Variants in CSMD1 observed in about 807,000 individuals in gnomAD.
The protein encoded by CSMD1 is CUB and Sushi multiple domains 1, also known as CUB and sushi domain-containing protein 1.
In CSMD1, 213 loss-of-function variants were observed where a neutral mutation model predicts 417.5. That is an observed-to-expected ratio of 0.51 (90% CI 0.46 to 0.57). The LOEUF (loss-of-function observed/expected upper bound fraction) is 0.57. CSMD1 is among the 20% of genes least tolerant of loss of function. CSMD1 has a pLI of 0.00. For synonymous variants in CSMD1, 2,862 were observed against 1,736.8 expected (o/e 1.65, Z -16.11); for missense variants, 6,923 against 4,529.7 (o/e 1.53, Z -15.17).
intron 5 of CSMD1, among the ~76,000 whole-genome samples, chr8:3,845,919 T>A (rs935578666): frequency 2.0e-5 from 3 of 152,056 alleles, no homozygotes; most frequent in African/African-American, 4.8e-5. Context: ...ATCATCAATA[T>A]CACTATCTTC....
intron 10 of CSMD1, among the ~76,000 whole-genome samples, chr8:3,494,554 T>TGATAGATAGGTAGGCAGATAGATA (rs1202224581): frequency 6.0e-4 from 88 of 145,736 alleles, no homozygotes; most frequent in Non-Finnish European, 7.8e-4. Flanking sequence ...ACAGATTAGA[T>TGATAGATAGGTAGGCAGATAGATA]GATAGATAGA....
intron 3 of CSMD1, among the ~76,000 whole-genome samples, chr8:4,098,161 A>G (rs1228377468): frequency 6.6e-6 from 1 of 152,184 alleles, no homozygotes; most frequent in Non-Finnish European, 1.5e-5. Flanking sequence ...AATTAGAATA[A>G]CATGTTTTGC....
At chr8:4,765,142 A>G (rs1245828167) in intron 1 of CSMD1, among the ~76,000 whole-genome samples, 1 of 152,146 alleles carries the variant, frequency 6.6e-6, no homozygotes, top group African/African-American at 2.4e-5. Context: ...ATGTTCACAC[A>G]GTTAATATAG....
At chr8:3,786,654 A>G (rs779455592) in intron 5 of CSMD1, among the ~76,000 whole-genome samples, 1 of 152,176 alleles carries the variant, frequency 6.6e-6, no homozygotes, top group Non-Finnish European at 1.5e-5. Context: ...TCGAGATGCT[A>G]TGATAAAATA....
chr8:4,815,553 A>T (rs1799153696), intron 1 of CSMD1, among the ~76,000 whole-genome samples: 1 of 151,858 alleles, frequency 6.6e-6, no homozygotes, highest in African/African-American at 2.4e-5. Flanking sequence ...AAAATTAGCC[A>T]GGCATGGTGA....
At chr8:3,263,001 G>C (rs953178271) in intron 26 of CSMD1, among the ~76,000 whole-genome samples, 1 of 152,138 alleles carries the variant, frequency 6.6e-6, no homozygotes, top group African/African-American at 2.4e-5. Flanking sequence ...CAGTTATTAA[G>C]CTAGGCAATA....
intron 1 of CSMD1, among the ~76,000 whole-genome samples, chr8:4,819,300 T>C (rs985202247): frequency 2.0e-5 from 3 of 152,338 alleles, no homozygotes; most frequent in Admixed American, 6.5e-5. Context: ...TCATATGATT[T>C]ACCAATTGTA....
chr8:4,033,206 C>A (rs946589505), intron 3 of CSMD1, among the ~76,000 whole-genome samples: 1 of 150,340 alleles, frequency 6.7e-6, no homozygotes, highest in Non-Finnish European at 1.5e-5. Flanking sequence ...TTTGGGAGGC[C>A]GAGGCAGGAG....
intron 30 of CSMD1, 45 bp from the exon 31 acceptor site, chr8:3,205,665 C>G: frequency 1.1e-6 from 1 of 943,624 alleles, no homozygotes; most frequent in Non-Finnish European, 1.6e-6. Flanking sequence ...GCAATAATAG[C>G]GCAGGTGATA....
chr8:4,281,379 G>C (rs1262739516), intron 3 of CSMD1, among the ~76,000 whole-genome samples: 1 of 152,148 alleles, frequency 6.6e-6, no homozygotes, highest in African/African-American at 2.4e-5. Context: ...GCATAAACCA[G>C]TGGTTTTTCA....
At chr8:3,724,460 G>C (rs1190880978) in intron 6 of CSMD1, among the ~76,000 whole-genome samples, 1 of 152,004 alleles carries the variant, frequency 6.6e-6, no homozygotes, top group African/African-American at 2.4e-5. Flanking sequence ...ATGTAATTCT[G>C]AATATATTAA....
chr8:4,715,963 T>C (rs924635051), intron 1 of CSMD1, among the ~76,000 whole-genome samples: 1 of 152,154 alleles, frequency 6.6e-6, no homozygotes, highest in Non-Finnish European at 1.5e-5. Flanking sequence ...TAAATGTGTA[T>C]CAGGTCCTGT....
intron 12 of CSMD1, among the ~76,000 whole-genome samples, chr8:3,449,585 T>G (rs1815556891): frequency 6.6e-6 from 1 of 152,144 alleles, no homozygotes; most frequent in Admixed American, 6.5e-5. Flanking sequence ...TGGCACAATA[T>G]TGGCTCACTG....
chr8:3,803,899 C>A (rs181309670), intron 5 of CSMD1, among the ~76,000 whole-genome samples: 3 of 152,146 alleles, frequency 2.0e-5, no homozygotes, highest in Non-Finnish European at 4.4e-5. Context: ...CAATAGCAGA[C>A]AAGGAGAGAA....
intron 3 of CSMD1, among the ~76,000 whole-genome samples, chr8:4,228,396 A>G (rs1410593125): frequency 6.6e-6 from 1 of 151,940 alleles, no homozygotes; most frequent in Non-Finnish European, 1.5e-5. Flanking sequence ...AAGGTTATCT[A>G]TGCCCCATAT....
At chr8:3,995,886 T>C (rs1196491713) in intron 5 of CSMD1, among the ~76,000 whole-genome samples, 1 of 152,182 alleles carries the variant, frequency 6.6e-6, no homozygotes, top group African/African-American at 2.4e-5. Flanking sequence ...ACTGATAACT[T>C]TCCCACCAGC....
intron 54 of CSMD1, among the ~76,000 whole-genome samples, chr8:2,991,705 G>A (rs950327517): frequency 2.6e-5 from 4 of 152,196 alleles, no homozygotes; most frequent in African/African-American, 7.2e-5. Context: ...GTATTCAAAC[G>A]TTGTGAAAGT....
chr8:4,190,404 T>C (rs112897356), intron 3 of CSMD1, among the ~76,000 whole-genome samples: 1 of 152,278 alleles, frequency 6.6e-6, no homozygotes, highest in Non-Finnish European at 1.5e-5. Context: ...AGAATGGTTA[T>C]GACATTTAAT....
At chr8:3,163,384 G>A (rs544632130) in intron 37 of CSMD1, among the ~76,000 whole-genome samples, 123 of 151,824 alleles carry the variant, frequency 8.1e-4, no homozygotes, top group African/African-American at 2.8e-3. Context: ...TGGGGTGGAG[G>A]AGGTGAGTAG....
Sources: gnomAD v4.1 joint callset for allele counts (sites outside exome capture counted in the v4.1 genomes callset) on GRCh38, gnomAD v4.1.1 for gene constraint, MANE v1.5 for transcripts, NCBI Gene and HGNC (gene_info 2026-07-23, HGNC 2026-07-21) for gene names.